The following RIMS1 variants were observed in gnomAD, a reference collection of about 807,000 sequenced individuals.
RIMS1 encodes regulating synaptic membrane exocytosis protein 1.
Under a neutral mutation model 214.1 loss-of-function variants are expected in RIMS1, and 83 were observed. The ratio of observed to expected loss-of-function variants is 0.39; its 90% CI spans 0.32 to 0.47. RIMS1 has a LOEUF of 0.47. RIMS1 is among the 20% of genes least tolerant of loss of function. RIMS1 has a pLI of 0.99. For synonymous variants in RIMS1, 793 were observed against 786.8 expected (o/e 1.01, Z -0.13); for missense variants, 2,050 against 2,161.8 (o/e 0.95, Z 1.03).
At chr6:72,296,418 A>G (rs2094101286) in intron 26 of RIMS1, among the ~76,000 whole-genome samples, 1 of 151,950 alleles carries the variant, frequency 6.6e-6, no homozygotes. Flanking sequence ...GGCTGCAGTC[A>G]TACATCTGAG....
intron 6 of RIMS1, among the ~76,000 whole-genome samples, chr6:72,196,173 A>G (rs565584570): frequency 9.9e-5 from 15 of 152,250 alleles, no homozygotes; most frequent in African/African-American, 3.6e-4. Flanking sequence ...TTCTTCTCAT[A>G]GTCCTGGTAT....
At chr6:72,233,744 A>T in intron 6 of RIMS1, 29 bp from the exon 7 acceptor site, 1 of 1,486,836 alleles carries the variant, frequency 6.7e-7, no homozygotes, top group Non-Finnish European at 9.2e-7. Context: ...TAATACCATT[A>T]CACTTTTCAT....
intron 2 of RIMS1, among the ~76,000 whole-genome samples, chr6:72,008,609 A>G (rs1285225126): frequency 6.6e-6 from 1 of 152,226 alleles, no homozygotes; most frequent in East Asian, 1.9e-4. Context: ...TATAGGCTCA[A>G]AATAAAAGGA....
intron 2 of RIMS1, among the ~76,000 whole-genome samples, chr6:72,014,170 A>G (rs1811876455): frequency 6.6e-6 from 1 of 152,240 alleles, no homozygotes; most frequent in South Asian, 2.1e-4. Context: ...CATGTCCTTC[A>G]CATGACAGGA....
At chr6:72,201,116 T>C (rs2051913128) in intron 6 of RIMS1, among the ~76,000 whole-genome samples, 1 of 152,194 alleles carries the variant, frequency 6.6e-6, no homozygotes, top group African/African-American at 2.4e-5. Flanking sequence ...TTATACCCAA[T>C]AATATTTCTT....
chr6:72,124,644 A>C (rs941731839), intron 4 of RIMS1, among the ~76,000 whole-genome samples: 18 of 152,172 alleles, frequency 1.2e-4, no homozygotes, highest in Non-Finnish European at 2.9e-5. Flanking sequence ...CTATTCCCAT[A>C]ATCCCATATT....
At chr6:71,908,621 C>T (rs991235490) in intron 1 of RIMS1, among the ~76,000 whole-genome samples, 4 of 152,122 alleles carry the variant, frequency 2.6e-5, no homozygotes, top group Non-Finnish European at 5.9e-5. Flanking sequence ...ACAGACAAAA[C>T]GGTAACCCTG....
chr6:72,390,774 A>G (rs776303357), intron 30 of RIMS1, 38 bp downstream of exon 30: 2 of 1,608,044 alleles, frequency 1.2e-6, no homozygotes, highest in Non-Finnish European at 1.7e-6. Flanking sequence ...CTGTGGAACC[A>G]GGAATTGTGT....
At chr6:72,175,705 C>A (rs2047613286) in intron 4 of RIMS1, among the ~76,000 whole-genome samples, 1 of 151,788 alleles carries the variant, frequency 6.6e-6, no homozygotes, top group Non-Finnish European at 1.5e-5. Flanking sequence ...TTATTCTAGA[C>A]CTCGTCGTGA....
At chr6:72,250,176 A>G (rs2072531742) in intron 12 of RIMS1, among the ~76,000 whole-genome samples, 154 bp from the exon 13 acceptor site, 1 of 152,210 alleles carries the variant, frequency 6.6e-6, no homozygotes, top group Admixed American at 6.6e-5. Flanking sequence ...CTGTGTGTTT[A>G]TGCTTTCAAA....
At chr6:72,384,338 A>G (rs1413862267) in intron 29 of RIMS1, among the ~76,000 whole-genome samples, 1 of 152,024 alleles carries the variant, frequency 6.6e-6, no homozygotes, top group Non-Finnish European at 1.5e-5. Context: ...CTCACCTCTC[A>G]TTCCCTCTTC....
At chr6:72,367,126 T>G (rs2098060154) in intron 29 of RIMS1, among the ~76,000 whole-genome samples, 1 of 152,196 alleles carries the variant, frequency 6.6e-6, no homozygotes. Context: ...CATTGTAATA[T>G]CCAAATATGA....
intron 2 of RIMS1, among the ~76,000 whole-genome samples, chr6:72,005,063 G>A (rs1411552551): frequency 2.6e-5 from 4 of 151,214 alleles, no homozygotes; most frequent in African/African-American, 7.3e-5. Context: ...TGTAAGGAAG[G>A]GATCCAGTTT....
Position 72,333,590 on chromosome 6 carries a change from G to C in RIMS1, c.4131-10G>C. ...ATGGATGCATATATGTTTTTACTTT[G>C]TAAATATAGTTCATTTACCCCCAAA... On this transcript the variant is annotated splice_polypyrimidine_tract_variant and intron_variant, in intron 28 of 33. Transcript: ENST00000521978. 1 of 1,560,102 alleles carries C rather than the reference G, an allele frequency of 6.4e-7. No homozygotes were observed. Among genetic ancestry groups the C allele is most frequent in the Non-Finnish European group, 8.7e-7 (1 of 1,149,354 alleles).
In RIMS1 at chr6:72,346,835, A is replaced by G. The variant is rs57283923; in HGVS notation, c.4366+13000A>G. On this transcript the variant is annotated intron_variant, in intron 29 of 33. Transcript: ENST00000521978. ...ATCTTCATTCATTTACATGTTGTCT[A>G]TGGCTACTTGTGTGCTACAAAGTCA... Among the ~76,000 whole-genome samples the G allele has an allele frequency of 5.5e-3, 842 of 151,954 alleles. 9 individuals are homozygous for G. The highest frequency in any genetic ancestry group is 0.019 in the African/African-American group (777 of 41,546).
chr6:71,993,887 CT>C (rs1413325476), intron 2 of RIMS1, among the ~76,000 whole-genome samples: 1 of 152,098 alleles, frequency 6.6e-6, no homozygotes, highest in Non-Finnish European at 1.5e-5. Context: ...ATTTTTATTT[CT>C]ATTAAATGGT....
At chr6:72,297,768 T>G (rs2094236228) in intron 26 of RIMS1, among the ~76,000 whole-genome samples, 1 of 152,044 alleles carries the variant, frequency 6.6e-6, no homozygotes, top group South Asian at 2.1e-4. Context: ...GATAACACAG[T>G]TTAGCCACTG....
intron 1 of RIMS1, among the ~76,000 whole-genome samples, chr6:71,950,179 A>G (rs1789017840): frequency 6.6e-6 from 1 of 152,166 alleles, no homozygotes; most frequent in Non-Finnish European, 1.5e-5. Context: ...TGAAACAGAC[A>G]TCATTGATTA....
chr6:72,046,965 AAAT>A (rs2152116494), intron 2 of RIMS1, among the ~76,000 whole-genome samples: 1 of 152,264 alleles, frequency 6.6e-6, no homozygotes, highest in East Asian at 1.9e-4. Context: ...TCAGGAAAGT[AAAT>A]AATATTTATT....
Sources: gnomAD v4.1 joint callset for allele counts (sites outside exome capture counted in the v4.1 genomes callset) on GRCh38, gnomAD v4.1.1 for gene constraint, MANE v1.5 for transcripts, NCBI Gene and HGNC (gene_info 2026-07-23, HGNC 2026-07-21) for gene names.